Variants in CEP192 observed in about 807,000 individuals in gnomAD.
CEP192 encodes the protein centrosomal protein 192, also known as centrosomal protein of 192 kDa.
CEP192 carries 151 observed loss-of-function variants against 271.8 expected under a neutral mutation model. The ratio of observed to expected loss-of-function variants is 0.56; its 90% CI spans 0.49 to 0.64. The LOEUF (loss-of-function observed/expected upper bound fraction) is 0.64. Among genes scored for constraint, CEP192 ranks in the 30% least tolerant of loss-of-function variants. The probability of loss-of-function intolerance (pLI) is 0.00; values close to 1 mark genes in which losing one functional copy is unlikely to be tolerated. For synonymous variants in CEP192, 995 were observed against 1,076.5 expected (o/e 0.92, Z 1.48); for missense variants, 2,910 against 3,020.5 (o/e 0.96, Z 0.86).
intron 9 of CEP192, chr18:13,024,243 C>A (rs187330396): frequency 4.0e-5 from 18 of 450,162 alleles, no homozygotes; most frequent in African/African-American, 2.8e-4. Flanking sequence ...TTATGTAGTA[C>A]CCTGCCTTAT....
rs533931400 is a variant in CEP192 at position 13,072,814 on chromosome 18, T to A, written c.5408T>A (p.Leu1803His). 7.8e-5 allele frequency: 125 copies of A among 1,612,900 alleles called. 2 individuals are homozygous for A. In the South Asian group the frequency reaches 1.4e-3, roughly 17 times the overall value. Residue 1803 changes from leucine to histidine, a missense_variant, in exon 29 of 45, where the codon CTT (leucine) becomes CAT (histidine). By Grantham distance (99) the Leu-to-His change is moderately conservative. Coordinates refer to ENST00000506447, the MANE Select transcript of CEP192 (RefSeq NM_032142.4). Reference sequence around the variant, plus strand: ...TCTACAACTCAACATTTACGACTGCTTATTAGAGGACAAGATCAGGACTGC... The same window carrying A: ...TCTACAACTCAACATTTACGACTGCATATTAGAGGACAAGATCAGGACTGC... ...SASTTQHLRL[L>H]IRGQDQDCFQ...
At chr18:13,039,209 C>CT (rs1241828588) in intron 13 of CEP192, among the ~76,000 whole-genome samples, 1 of 152,084 alleles carries the variant, frequency 6.6e-6, no homozygotes, top group African/African-American at 2.4e-5. Context: ...AATCCCAGCA[C>CT]TTTGGGAGGC....
At chr18:13,052,360 C>G (rs1045931612) in intron 17 of CEP192, among the ~76,000 whole-genome samples, 14 of 152,172 alleles carry the variant, frequency 9.2e-5, no homozygotes, top group Non-Finnish European at 5.9e-5. Context: ...TTTAAGCTTT[C>G]CTACTTTTTG....
At chr18:13,094,026 T>TAAC (rs2039275261) in intron 34 of CEP192, among the ~76,000 whole-genome samples, 1 of 152,250 alleles carries the variant, frequency 6.6e-6, no homozygotes, top group Non-Finnish European at 1.5e-5. Context: ...TCCAGGCCAG[T>TAAC]TACTTTGTAA....
Position 13,030,533 on chromosome 18 carries a change from T to C in CEP192, c.1459T>C (p.Tyr487His), listed in dbSNP as rs569656594. The C allele has an allele frequency of 5.6e-6, 9 of 1,611,940 alleles. No individual in the cohort carries two copies. The highest frequency in any genetic ancestry group is 1.3e-5 in the African/African-American group (1 of 74,890). The change falls in exon 11 of 45, where the codon TAC becomes CAC. Residue 487 changes from tyrosine to histidine, a missense_variant. Coordinates refer to ENST00000506447, the MANE Select transcript of CEP192 (RefSeq NM_032142.4). ...TAGGTGGGTCACAGACCTTGCCTAT[T>C]ACACATCTTTTAATAGCAAACAAAA... is the stretch of plus-strand genomic sequence containing the variant. ...EGRWVTDLAY[Y>H]TSFNSKQNLN...
chr18:13,089,630 C>T, intron 33 of CEP192, 65 bp downstream of exon 33: 2 of 768,044 alleles, frequency 2.6e-6, no homozygotes, highest in Admixed American at 4.7e-5. Context: ...TATCTATGTC[C>T]AATGATGTGA....
rs2040826071 is a variant in CEP192 at position 13,124,718 on chromosome 18, A to G, written c.7562A>G (p.Glu2521Gly). 3.7e-6 allele frequency: 6 copies of G among 1,613,996 alleles called. No homozygotes were observed. Among genetic ancestry groups the G allele is most frequent in the Non-Finnish European group, 5.1e-6 (6 of 1,179,910 alleles). ...FEALLVIQTD[E>G]GKSIAIRLIG... ...GCTTTGCTTGTCATTCAAACAGATG[A>G]AGGCAAGAGTATTGCTATTCGACTA... Residue 2521 changes from glutamate to glycine, a missense_variant, in exon 45 of 45, where the codon GAA becomes GGA. Glu to Gly is a moderately conservative substitution (Grantham distance 98). Transcript: ENST00000506447.
intron 25 of CEP192, 35 bp from the exon 26 acceptor site, chr18:13,069,053 AG>A (rs1286646835): frequency 5.0e-6 from 8 of 1,613,942 alleles, no homozygotes; most frequent in Non-Finnish European, 6.8e-6. Context: ...ACTTTGTGAC[AG>A]TTCGTTGAAA....
intron 4 of CEP192, 125 bp downstream of exon 4, chr18:13,008,756 T>A: frequency 1.4e-6 from 1 of 699,242 alleles, no homozygotes. Context: ...CAGGCTGGAG[T>A]GCAGTGGCGT....
At position 13,124,624 on chromosome 18, in the gene CEP192, C is replaced by G. The variant is rs1463208739; in HGVS notation, c.7476-8C>G. On this transcript the variant is annotated splice_region_variant and splice_polypyrimidine_tract_variant and intron_variant, in intron 44 of 44. Transcript: ENST00000506447. ...ACATGCTGCTGTCATGTGCCTCTCT[C>G]TTTCCAGAGCCCAGCATTACATCAA... is the stretch of plus-strand genomic sequence containing the variant. 8 of 1,606,496 alleles carry G rather than the reference C, an allele frequency of 5.0e-6. No homozygotes were observed. Among genetic ancestry groups the G allele is most frequent in the Non-Finnish European group, 6.0e-6 (7 of 1,174,008 alleles).
intron 1 of CEP192, among the ~76,000 whole-genome samples, chr18:12,997,942 C>G (rs1038726709): frequency 6.6e-6 from 1 of 152,150 alleles, no homozygotes; most frequent in African/African-American, 2.4e-5. Flanking sequence ...CCAGGCTGGT[C>G]TTGAACTCCT....
chr18:13,122,294 T>G (rs2145173630), intron 44 of CEP192, among the ~76,000 whole-genome samples: 1 of 152,358 alleles, frequency 6.6e-6, no homozygotes. Context: ...AGGTGGCGCA[T>G]GTCTGTAATC....
chr18:13,065,542 A>G (rs1351458184), intron 21 of CEP192, among the ~76,000 whole-genome samples: 1 of 152,244 alleles, frequency 6.6e-6, no homozygotes, highest in Non-Finnish European at 1.5e-5. Context: ...GAACTAAACT[A>G]GAATCCATAA....
chr18:12,995,213 C>T (rs2033147872), intron 1 of CEP192, among the ~76,000 whole-genome samples: 1 of 152,004 alleles, frequency 6.6e-6, no homozygotes, highest in African/African-American at 2.4e-5. Flanking sequence ...AGGCGCCCGC[C>T]ACCTCGCCCG....
At chr18:13,098,228 G>C (rs1356715837) in intron 36 of CEP192, among the ~76,000 whole-genome samples, 3 of 152,166 alleles carry the variant, frequency 2.0e-5, no homozygotes, top group Non-Finnish European at 4.4e-5. Flanking sequence ...CGGCCGGGCA[G>C]AGGCACCCCT....
chr18:13,100,176 T>A (rs1165025135), intron 37 of CEP192, 129 bp from the exon 38 acceptor site: 2 of 665,196 alleles, frequency 3.0e-6, no homozygotes, highest in African/African-American at 3.6e-5. Flanking sequence ...AAATAAACTT[T>A]AATTCCTAAA....
Position 13,015,402 on chromosome 18 carries a change from A to G in CEP192, c.594A>G (p.Leu198=). ...LKSDLSHTSL[L]ENEKLILPTS... is the part of the protein sequence containing the mutation. The stretch of plus-strand genomic sequence containing the variant: ...GTGACCTAAGCCACACTAGCTTATT[A>G]GAAAATGAGAAACTTATCTTACCGA... Residue 198 remains leucine, a synonymous_variant, in exon 6 of 45, where the codon TTA becomes TTG. Coordinates refer to ENST00000506447, the MANE Select transcript of CEP192 (RefSeq NM_032142.4). 1 of 1,551,328 alleles carries G rather than the reference A, an allele frequency of 6.4e-7. No homozygotes were observed. Among genetic ancestry groups the G allele is most frequent in the South Asian group, 1.2e-5 (1 of 84,062 alleles).
chr18:13,095,353 AT>A, intron 34 of CEP192, 149 bp from the exon 35 acceptor site: 3 of 653,580 alleles, frequency 4.6e-6, no homozygotes, highest in Non-Finnish European at 5.2e-6. Context: ...TCACTAAAAA[AT>A]ACCTGATAAC....
intron 18 of CEP192, among the ~76,000 whole-genome samples, chr18:13,054,050 A>G (rs1190904323): frequency 6.6e-6 from 1 of 151,060 alleles, no homozygotes; most frequent in Non-Finnish European, 1.5e-5. Context: ...CTGGTCTTGA[A>G]CTCCTGGCCT....
Sources: allele counts gnomAD v4.1 joint callset (sites outside exome capture counted in the v4.1 genomes callset), GRCh38; gene constraint gnomAD v4.1.1; transcripts MANE v1.5; gene names NCBI Gene and HGNC (gene_info 2026-07-23, HGNC 2026-07-21).